SPP2: variants seen among roughly 807,000 people sequenced by gnomAD.
SPP2 encodes secreted phosphoprotein 24.
Under a neutral mutation model 28.8 loss-of-function variants are expected in SPP2, and 34 were observed. The observed-to-expected ratio is 1.18, with a 90% CI of 0.90 to 1.57. The LOEUF (loss-of-function observed/expected upper bound fraction) is 1.57. Among genes scored for constraint, SPP2 ranks in the 40% most tolerant of loss-of-function variants. The pLI is 0.00. For synonymous variants in SPP2, 96 were observed against 89.4 expected, an observed-to-expected ratio of 1.07 and a Z score of -0.42; for missense variants, 269 against 263.9, an observed-to-expected ratio of 1.02 and a Z score of -0.13.
chr2:234,073,524 T>C (rs578219215), intron 7 of SPP2, among the ~76,000 whole-genome samples: 5 of 152,318 alleles, frequency 3.3e-5, no homozygotes, highest in South Asian at 2.1e-4. Flanking sequence ...AATGATTTAA[T>C]ATATGAGTAG....
At chr2:234,060,756 C>T (rs10187699) in intron 4 of SPP2, among the ~76,000 whole-genome samples, 43,405 of 148,234 alleles carry the variant, frequency 0.29, 6,346 homozygotes, top group South Asian at 0.48. Flanking sequence ...CGCACACACA[C>T]ACACATGCAC....
Position 234,058,925 on chromosome 2 carries a change from C to T in SPP2, c.300C>T (p.Pro100=), listed in dbSNP as rs76941072. The T allele has an allele frequency of 0.015, 23,501 of 1,613,846 alleles. 220 individuals carry two copies. Among genetic ancestry groups the T allele is most frequent in the Non-Finnish European group, 0.018 (20,987 of 1,179,814 alleles). Residue 100 remains proline, a synonymous_variant, in exon 3 of 8, where the codon CCC becomes CCT. Coordinates refer to ENST00000168148, the MANE Select transcript of SPP2 (RefSeq NM_006944.3). ...GCAGGAAGGATTCTGGAGAAGATCC[C>T]GCTACATGTGCCTTCCAGAGGGACT... ...TTCRKDSGED[P]ATCAFQRDYY... is the part of the protein sequence containing the mutation.
intron 7 of SPP2, among the ~76,000 whole-genome samples, chr2:234,073,634 G>GA (rs1690838136): frequency 6.6e-6 from 1 of 152,066 alleles, no homozygotes. Flanking sequence ...CTCTCATGTT[G>GA]AAAAAATCTC....
intron 3 of SPP2, 84 bp from the exon 4 acceptor site, chr2:234,060,285 C>T: frequency 1.1e-6 from 1 of 913,030 alleles, no homozygotes; most frequent in Admixed American, 2.1e-5. Context: ...TCAAACCTGA[C>T]ATTTATTTTC....
chr2:234,075,724 T>G (rs1383932566), intron 7 of SPP2, among the ~76,000 whole-genome samples: 1 of 152,172 alleles, frequency 6.6e-6, no homozygotes, highest in Non-Finnish European at 1.5e-5. Context: ...CTGGGGATTC[T>G]TCCCCCTCTC....
At chr2:234,053,359 A>T (rs1311921735) in intron 2 of SPP2, among the ~76,000 whole-genome samples, 1 of 152,202 alleles carries the variant, frequency 6.6e-6, no homozygotes, top group Non-Finnish European at 1.5e-5. Context: ...TGGTTTAGTC[A>T]TGAGTATTTG....
At chr2:234,066,482 C>T (rs752631961) in intron 4 of SPP2, 51 bp from the exon 5 acceptor site, 28 of 1,495,904 alleles carry the variant, frequency 1.9e-5, no homozygotes, top group African/African-American at 4.2e-5. Context: ...AGTGTCTTTC[C>T]TTTTTCTTTC....
intron 2 of SPP2, among the ~76,000 whole-genome samples, chr2:234,053,266 G>A (rs1176386036): frequency 1.3e-5 from 2 of 152,148 alleles, no homozygotes; most frequent in Non-Finnish European, 2.9e-5. Flanking sequence ...ATATTTACTA[G>A]CATGTTAAAC....
chr2:234,051,343 T>A (rs1016739470), intron 2 of SPP2, among the ~76,000 whole-genome samples: 4 of 152,210 alleles, frequency 2.6e-5, no homozygotes, highest in African/African-American at 7.2e-5. Flanking sequence ...GTCTTCTGGT[T>A]CCCTGCAGCC....
At position 234,051,020 on chromosome 2, in the gene SPP2, T is replaced by C; in HGVS notation, c.135T>C (p.Ser45=). ...YDPSSLRDAL[S]ASVVKVNSQS... ...CATCCTCCTTAAGGGATGCCCTCAG[T>C]GCCTCTGTGGTAAAAGTGAATTCCC... The change falls in exon 2 of 8, where the codon AGT becomes AGC. Residue 45 remains serine, a synonymous_variant. Transcript: ENST00000168148. 6.2e-7 allele frequency: 1 copy of C among 1,614,040 alleles called. No individual in the cohort carries two copies. Among genetic ancestry groups the C allele is most frequent in the Admixed American group, 1.7e-5 (1 of 59,996 alleles).
intron 4 of SPP2, among the ~76,000 whole-genome samples, chr2:234,064,184 C>G: frequency 6.7e-6 from 1 of 149,670 alleles, no homozygotes; most frequent in South Asian, 2.2e-4. Context: ...TCCCTTTCCT[C>G]CTCCCTCTCC....
intron 7 of SPP2, 115 bp downstream of exon 7, chr2:234,070,138 T>A: frequency 1.3e-6 from 1 of 769,080 alleles, no homozygotes. Flanking sequence ...TCCTTGCTTT[T>A]CGGCTTCTCT....
At chr2:234,069,827 G>T in intron 6 of SPP2, 101 bp from the exon 7 acceptor site, 1 of 930,152 alleles carries the variant, frequency 1.1e-6, no homozygotes, top group Non-Finnish European at 1.7e-6. Flanking sequence ...TTCAGGTTAT[G>T]CTTGTCACAA....
At chr2:234,065,948 G>C (rs892597229) in intron 4 of SPP2, among the ~76,000 whole-genome samples, 6 of 152,142 alleles carry the variant, frequency 3.9e-5, no homozygotes, top group African/African-American at 1.4e-4. Context: ...CTGTTGAAAA[G>C]AATGTTCTTT....
In SPP2 at chr2:234,067,274, G is replaced by A; in HGVS notation, c.550G>A (p.Gly184Arg). The A allele has an allele frequency of 6.2e-7, 1 of 1,613,906 alleles. No individual in the cohort carries two copies. The highest frequency in any genetic ancestry group is 8.5e-7 in the Non-Finnish European group (1 of 1,179,860). ...TGAACAATTTTATGATCGGTCACTTGGTAAGTGATTTCTTTCCTGCTGTGC... is the reference window on the plus strand; with the variant it reads ...TGAACAATTTTATGATCGGTCACTTAGTAAGTGATTTCTTTCCTGCTGTGC... ...ISEQFYDRSL[G>R]IMRRVLPPGN... Residue 184 changes from glycine to arginine, a missense_variant and splice_region_variant, in exon 6 of 8, where the codon GGG becomes AGG. Gly to Arg is a moderately radical substitution (Grantham distance 125). Coordinates refer to ENST00000168148, the MANE Select transcript of SPP2 (RefSeq NM_006944.3).
intron 7 of SPP2, among the ~76,000 whole-genome samples, chr2:234,074,751 A>C (rs919696336): frequency 3.3e-5 from 5 of 152,046 alleles, no homozygotes; most frequent in African/African-American, 1.2e-4. Flanking sequence ...GTTTTCCTCA[A>C]CTGATTAGTC....
At position 234,067,923 on chromosome 2, in the gene SPP2, T is replaced by A. The variant is rs142988883; in HGVS notation, c.550+649T>A. Among the ~76,000 whole-genome samples, 533 of 152,260 alleles carry A rather than the reference T, an allele frequency of 3.5e-3. 5 individuals carry two copies. Among genetic ancestry groups the A allele is most frequent in the African/African-American group, 0.012 (515 of 41,552 alleles). On this transcript the variant is annotated intron_variant, in intron 6 of 7. Coordinates refer to ENST00000168148, the MANE Select transcript of SPP2 (RefSeq NM_006944.3). ...AGCATGAACTCTAATATAATCTTGT[T>A]TTTTTAAACTAAAAAATTTAATTTT...
At position 234,058,818 on chromosome 2, in the gene SPP2, A is replaced by C. The variant is rs192368772; in HGVS notation, c.211-18A>C. The C allele has an allele frequency of 3.2e-5, 52 of 1,610,564 alleles. No individual in the cohort carries two copies. The African/African-American group carries it at 6.8e-4, about 21-fold the overall frequency. On this transcript the variant is annotated intron_variant, in intron 2 of 7. Transcript: ENST00000168148. Reference sequence around the variant, plus strand: ...CAGAAATGCATTGATCACACTCTGAAACTTTATTTTTGTGAAGGTTGAGGT... The same window carrying C: ...CAGAAATGCATTGATCACACTCTGACACTTTATTTTTGTGAAGGTTGAGGT...
intron 2 of SPP2, among the ~76,000 whole-genome samples, chr2:234,053,452 T>C (rs541918055): frequency 2.6e-5 from 4 of 152,202 alleles, no homozygotes; most frequent in Admixed American, 1.3e-4. Flanking sequence ...GCAGTGATTC[T>C]CTACTCAGAC....
Sources: allele counts gnomAD v4.1 joint callset (sites outside exome capture counted in the v4.1 genomes callset), GRCh38; gene constraint gnomAD v4.1.1; transcripts MANE v1.5; gene names NCBI Gene and HGNC (gene_info 2026-07-23, HGNC 2026-07-21).